GPHN: variants seen among roughly 807,000 people sequenced by gnomAD.
GPHN encodes the protein gephyrin.
Under a neutral mutation model 95.5 loss-of-function variants are expected in GPHN, and 17 were observed. The observed-to-expected ratio is 0.18, with a 90% CI of 0.12 to 0.27. The LOEUF (loss-of-function observed/expected upper bound fraction) is 0.27, where lower values mean the gene tolerates loss of function less well. Ranked by LOEUF, GPHN falls within the 10% of genes least tolerant of loss-of-function variation. The pLI is 1.00. For synonymous variants in GPHN, 320 were observed against 322.5 expected (o/e 0.99, Z 0.08); for missense variants, 660 against 978.1 (o/e 0.67, Z 4.34).
chr14:66,537,116 C>A (rs1051643615), intron 1 of GPHN, among the ~76,000 whole-genome samples: 2 of 151,848 alleles, frequency 1.3e-5, no homozygotes, highest in Admixed American at 6.6e-5. Flanking sequence ...TTAGTTCAGC[C>A]AATCTATATT....
At chr14:66,542,493 T>C (rs141053787) in intron 1 of GPHN, among the ~76,000 whole-genome samples, 2,025 of 152,290 alleles carry the variant, frequency 0.013, 21 homozygotes, top group Middle Eastern at 0.02. Flanking sequence ...CCATATAACC[T>C]ATCTTTCTAC....
chr14:67,550,172 A>AAAAAAG, the GPHN span, among the ~76,000 whole-genome samples: 1 of 151,620 alleles, frequency 6.6e-6, no homozygotes. Flanking sequence ...AAAAAAAAAA[A>AAAAAAG]TTGAAAACCA....
At chr14:67,341,604 G>A in the GPHN span, among the ~76,000 whole-genome samples, 1 of 151,820 alleles carries the variant, frequency 6.6e-6, no homozygotes, top group South Asian at 2.1e-4. Flanking sequence ...TGTCCGGGAG[G>A]TGAGGGGCGC....
chr14:67,347,309 A>T, the GPHN span: 2 of 919,048 alleles, frequency 2.2e-6, no homozygotes, highest in Non-Finnish European at 1.7e-6. Flanking sequence ...TAACTCAGGA[A>T]CCTCTCAACA....
intron 4 of GPHN, among the ~76,000 whole-genome samples, chr14:66,848,143 T>A (rs953563582): frequency 6.6e-6 from 1 of 152,138 alleles, no homozygotes; most frequent in Non-Finnish European, 1.5e-5. Context: ...TTTCTTATAA[T>A]ATTTAGTACT....
In GPHN at chr14:66,664,481, TAGTGTTAAGAAGGAAATCTATAGC is replaced by T. The variant is rs200843569; in HGVS notation, c.65-16622_65-16599del. The stretch of plus-strand genomic sequence containing the variant: ...CAGATTCTCAGGGACACAGCTAAAG[TAGTGTTAAGAAGGAAATCTATAGC>T]AGTAAATGCCCACATCAGAAAGCTA... On this transcript the variant is annotated intron_variant, in intron 1 of 22. Coordinates refer to ENST00000478722, the MANE Select transcript of GPHN (RefSeq NM_020806.5). Among the ~76,000 whole-genome samples the T allele has an allele frequency of 4.0e-4, 61 of 152,236 alleles. 3 individuals carry two copies. The East Asian group carries it at 9.8e-3, about 25-fold the overall frequency.
chr14:67,560,065 C>T, the GPHN span, among the ~76,000 whole-genome samples: 2 of 152,160 alleles, frequency 1.3e-5, no homozygotes, highest in Non-Finnish European at 2.9e-5. Context: ...CTCGCTCTCT[C>T]GCCCAGGCTG....
At chr14:67,444,294 CT>C in the GPHN span, among the ~76,000 whole-genome samples, 1 of 152,174 alleles carries the variant, frequency 6.6e-6, no homozygotes, top group Non-Finnish European at 1.5e-5. Flanking sequence ...GCAAAATAAA[CT>C]TTCTAAATTA....
At chr14:66,721,491 A>G (rs1465806090) in intron 2 of GPHN, among the ~76,000 whole-genome samples, 1 of 152,178 alleles carries the variant, frequency 6.6e-6, no homozygotes, top group East Asian at 1.9e-4. Context: ...CCTAAAGAAG[A>G]TATAGCATCA....
At chr14:66,820,059 A>G (rs991129823) in intron 3 of GPHN, among the ~76,000 whole-genome samples, 7 of 152,192 alleles carry the variant, frequency 4.6e-5, no homozygotes, top group Non-Finnish European at 1.0e-4. Flanking sequence ...TAGGAAAGTC[A>G]TTAATAGGTT....
downstream of GPHN, among the ~76,000 whole-genome samples, chr14:67,186,164 C>T (rs1297272895): frequency 6.6e-6 from 1 of 151,750 alleles, no homozygotes; most frequent in Non-Finnish European, 1.5e-5. Context: ...CTACAGTATG[C>T]CAGGCTCCAT....
the GPHN span, among the ~76,000 whole-genome samples, chr14:67,283,922 A>G: frequency 1.3e-5 from 2 of 152,210 alleles, no homozygotes; most frequent in Non-Finnish European, 2.9e-5. Flanking sequence ...CGGCACATTC[A>G]GAAATGTATG....
chr14:66,741,667 T>C (rs1455767669), intron 2 of GPHN, among the ~76,000 whole-genome samples: 6 of 152,224 alleles, frequency 3.9e-5, no homozygotes, highest in African/African-American at 1.4e-4. Flanking sequence ...TTTGTACATA[T>C]GTTACTTTAC....
intron 1 of GPHN, among the ~76,000 whole-genome samples, chr14:66,596,798 G>A (rs2061995934): frequency 6.6e-6 from 1 of 152,180 alleles, no homozygotes; most frequent in South Asian, 2.1e-4. Flanking sequence ...GCGCCCGGGG[G>A]GCGGGGCTCC....
At position 67,049,567 on chromosome 14, in the gene GPHN, C is replaced by G. The variant is rs563137179; in HGVS notation, c.1007-9082C>G. Among the ~76,000 whole-genome samples the G allele has an allele frequency of 2.9e-4, 43 of 150,824 alleles. 2 individuals are homozygous for G. In the South Asian group the frequency reaches 8.6e-3, roughly 30 times the overall value. ...CTCGCTCTGTTGCCAGGCTGGAGTG[C>G]AGGGGCGTGATCTCAGCTCACTGCA... On this transcript the variant is annotated intron_variant, in intron 10 of 22. Transcript: ENST00000478722.
chr14:66,681,369 T>A (rs1180603951), intron 2 of GPHN, among the ~76,000 whole-genome samples, 184 bp downstream of exon 2: 1 of 152,160 alleles, frequency 6.6e-6, no homozygotes, highest in African/African-American at 2.4e-5. Context: ...TTAGAAGGAA[T>A]GATGTCATGA....
At chr14:67,579,974 C>A in the GPHN span, 1 of 1,188,132 alleles carries the variant, frequency 8.4e-7, no homozygotes, top group Non-Finnish European at 1.2e-6. Flanking sequence ...TGTTTGGTAG[C>A]TCATTTGGTG....
At chr14:67,029,718 A>G (rs2074097579) in intron 10 of GPHN, among the ~76,000 whole-genome samples, 1 of 152,258 alleles carries the variant, frequency 6.6e-6, no homozygotes, top group Admixed American at 6.5e-5. Context: ...TTGGAATAAC[A>G]AATTAAGCTT....
the GPHN span, among the ~76,000 whole-genome samples, chr14:67,717,353 A>C: frequency 6.6e-6 from 1 of 152,218 alleles, no homozygotes; most frequent in Admixed American, 6.5e-5. Context: ...GAGTGATTAG[A>C]GGTAAACAGA....
Sources: gnomAD v4.1 joint callset for allele counts (sites outside exome capture counted in the v4.1 genomes callset) on GRCh38, gnomAD v4.1.1 for gene constraint, MANE v1.5 for transcripts, NCBI Gene and HGNC (gene_info 2026-07-23, HGNC 2026-07-21) for gene names.